Variants in ZNF322 observed in about 807,000 individuals in gnomAD.
ZNF322 encodes HLA complex group 12.
In ZNF322, 1 loss-of-function variant was observed where a neutral mutation model predicts 18.3. That is an observed-to-expected ratio of 0.05 (90% CI 0.02 to 0.26). ZNF322 has a LOEUF of 0.26. Ranked by LOEUF, ZNF322 falls within the 10% of genes least tolerant of loss-of-function variation. ZNF322 has a pLI of 1.00. For synonymous variants in ZNF322, 17 were observed against 130.7 expected (o/e 0.13, Z 5.93); for missense variants, 36 against 403.6 (o/e 0.09, Z 7.80).
chr6:26,658,503 C>G (rs1430379470), intron 2 of ZNF322, 55 bp downstream of exon 2: 15 of 160,576 alleles, frequency 9.3e-5, no homozygotes, highest in African/African-American at 3.6e-4. Flanking sequence ...CACCCTGCCC[C>G]ACCCCACACC....
chr6:26,659,173 CAAG>C (rs1461052838), intron 1 of ZNF322, among the ~76,000 whole-genome samples: 5 of 152,242 alleles, frequency 3.3e-5, no homozygotes, highest in African/African-American at 1.2e-4. Flanking sequence ...AAAATCCATT[CAAG>C]GTCCTTTTTT....
At chr6:26,659,219 G>C (rs1257875982) in intron 1 of ZNF322, among the ~76,000 whole-genome samples, 1 of 152,168 alleles carries the variant, frequency 6.6e-6, no homozygotes, top group Non-Finnish European at 1.5e-5. Flanking sequence ...ATATTGCTTT[G>C]AAAAGTGCCT....
intron 2 of ZNF322, among the ~76,000 whole-genome samples, chr6:26,658,131 AC>A (rs782581788): frequency 1.3e-5 from 2 of 152,032 alleles, no homozygotes; most frequent in Non-Finnish European, 2.9e-5. Flanking sequence ...CCTCCCAAGG[AC>A]CCTATGAAAT....
chr6:26,643,083 T>C (rs908213598), intron 3 of ZNF322, among the ~76,000 whole-genome samples: 1 of 152,190 alleles, frequency 6.6e-6, no homozygotes, highest in Admixed American at 6.5e-5. Flanking sequence ...TGACACCCTT[T>C]TATATTATTC....
chr6:26,656,075 G>A (rs1765765278), intron 2 of ZNF322, among the ~76,000 whole-genome samples: 1 of 152,264 alleles, frequency 6.6e-6, no homozygotes, highest in South Asian at 2.1e-4. Flanking sequence ...GGAGTTCTTT[G>A]TACCATTTTG....
At chr6:26,650,022 A>T (rs1765640177) in intron 2 of ZNF322, among the ~76,000 whole-genome samples, 1 of 152,034 alleles carries the variant, frequency 6.6e-6, no homozygotes, top group East Asian at 1.9e-4. Context: ...TATATATATA[A>T]AAAATGAACA....
intron 2 of ZNF322, among the ~76,000 whole-genome samples, chr6:26,649,137 A>G (rs1561924454): frequency 1.3e-5 from 2 of 152,242 alleles, no homozygotes; most frequent in African/African-American, 2.4e-5. Flanking sequence ...TTGCTACTCA[A>G]GTTCACTTTG....
intron 3 of ZNF322, among the ~76,000 whole-genome samples, chr6:26,638,935 CTT>C (rs1272198345): frequency 6.6e-6 from 1 of 152,190 alleles, no homozygotes; most frequent in Non-Finnish European, 1.5e-5. Flanking sequence ...AGTAAGAACT[CTT>C]TTCTCTATGA....
At chr6:26,649,675 G>GTGTGTGTATA (rs1465971500) in intron 2 of ZNF322, among the ~76,000 whole-genome samples, 14 of 22,952 alleles carry the variant, frequency 6.1e-4, no homozygotes, top group Non-Finnish European at 9.1e-4. Context: ...GTGTGTGTGT[G>GTGTGTGTATA]TATATATATA....
intron 3 of ZNF322, among the ~76,000 whole-genome samples, chr6:26,641,787 G>A (rs970728507): frequency 6.6e-6 from 1 of 152,164 alleles, no homozygotes; most frequent in Non-Finnish European, 1.5e-5. Context: ...CACTGTGGAA[G>A]GCCGCAGGGA....
At chr6:26,641,663 G>GA (rs1326805642) in intron 3 of ZNF322, among the ~76,000 whole-genome samples, 3 of 152,190 alleles carry the variant, frequency 2.0e-5, no homozygotes, top group African/African-American at 7.2e-5. Context: ...TTGACTCAAG[G>GA]TTTAATGGAT....
chr6:26,649,699 A>ATT lies in ZNF322; in HGVS notation c.-245-5972_-245-5971insAA, dbSNP rs1561924977. Among the ~76,000 whole-genome samples the ATT allele has an allele frequency of 2.3e-3, 152 of 66,598 alleles. 13 individuals are homozygous for ATT. Among genetic ancestry groups the ATT allele is most frequent in the South Asian group, 9.5e-3 (13 of 1,372 alleles). 43.7% of individuals were successfully genotyped at this position (66,598 alleles called of 152,430 possible). A position where few individuals can be genotyped will look rare whatever the true frequency, so the allele number is the denominator to read the frequency against. ...TGTATATATATATATATATATATAT[A>ATT]TATTTTTTTTTTTTTTTTTTTGAGA... On this transcript the variant is annotated intron_variant, in intron 2 of 3. Coordinates refer to ENST00000415922, the MANE Select transcript of ZNF322 (RefSeq NM_024639.5).
intron 2 of ZNF322, among the ~76,000 whole-genome samples, chr6:26,651,762 A>C (rs1386991860): frequency 1.3e-5 from 2 of 152,244 alleles, no homozygotes; most frequent in Admixed American, 1.3e-4. Flanking sequence ...CAGATACCTA[A>C]GTATAAAACA....
At chr6:26,639,779 AT>A (rs1411815023) in intron 3 of ZNF322, among the ~76,000 whole-genome samples, 2 of 152,174 alleles carry the variant, frequency 1.3e-5, no homozygotes, top group Non-Finnish European at 2.9e-5. Context: ...GTATAACCTG[AT>A]AATTTTGCTT....
intron 2 of ZNF322, among the ~76,000 whole-genome samples, chr6:26,650,073 A>G (rs1554149069): frequency 2.0e-5 from 3 of 152,120 alleles, no homozygotes; most frequent in Non-Finnish European, 4.4e-5. Flanking sequence ...AAATATTTGT[A>G]ACAATATTTG....
At chr6:26,655,525 C>T (rs1765753708) in intron 2 of ZNF322, among the ~76,000 whole-genome samples, 1 of 152,172 alleles carries the variant, frequency 6.6e-6, no homozygotes, top group Admixed American at 6.5e-5. Flanking sequence ...GATTCCATGG[C>T]TTGATTCTCT....
intron 2 of ZNF322, among the ~76,000 whole-genome samples, chr6:26,654,797 G>A (rs945212087): frequency 1.3e-5 from 2 of 152,110 alleles, no homozygotes; most frequent in East Asian, 1.9e-4. Flanking sequence ...TGAGAATCAA[G>A]ATATTTACAT....
At chr6:26,656,772 T>C (rs1554149730) in intron 2 of ZNF322, among the ~76,000 whole-genome samples, 1 of 152,098 alleles carries the variant, frequency 6.6e-6, no homozygotes, top group Admixed American at 6.5e-5. Context: ...GGCAAATCAT[T>C]TACATTATTC....
In ZNF322 at chr6:26,648,973, A is replaced by G. The variant is rs563852017; in HGVS notation, c.-245-5245T>C. Among the ~76,000 whole-genome samples, 432 of 142,836 alleles carry G rather than the reference A, an allele frequency of 3.0e-3. 3 individuals carry two copies. The highest frequency in any genetic ancestry group is 0.02 in the South Asian group (89 of 4,554). 93.7% of individuals were successfully genotyped at this position (142,836 alleles called of 152,430 possible). ...TTCTGGCCTGCCACCTGTTTTTTTC[A>G]AATAAAATTTTACTGAAATAGGGTC... On this transcript the variant is annotated intron_variant, in intron 2 of 3. Transcript: ENST00000415922.
Sources: allele counts gnomAD v4.1 joint callset (sites outside exome capture counted in the v4.1 genomes callset), GRCh38; gene constraint gnomAD v4.1.1; transcripts MANE v1.5; gene names NCBI Gene and HGNC (gene_info 2026-07-23, HGNC 2026-07-21).